Variants in SNTG2 observed in about 807,000 individuals in gnomAD.
SNTG2 encodes the protein gamma-2-syntrophin.
SNTG2 carries 74 observed loss-of-function variants against 70.9 expected under a neutral mutation model. That is an observed-to-expected ratio of 1.04 (90% CI 0.86 to 1.27). The LOEUF is 1.27. Among genes scored for constraint, SNTG2 ranks in the 50% most tolerant of loss-of-function variants. The probability of loss-of-function intolerance (pLI) is 0.00; values close to 1 mark genes in which losing one functional copy is unlikely to be tolerated. For synonymous variants in SNTG2, 278 were observed against 273.8 expected, an observed-to-expected ratio of 1.02 and a Z score of -0.15; for missense variants, 717 against 690.7, an observed-to-expected ratio of 1.04 and a Z score of -0.43.
At chr2:1,285,512 A>G (rs970622843) in intron 14 of SNTG2, among the ~76,000 whole-genome samples, 1 of 152,360 alleles carries the variant, frequency 6.6e-6, no homozygotes, top group Admixed American at 6.5e-5. Flanking sequence ...CCCAAATACT[A>G]TCACACAAAG....
intron 1 of SNTG2, among the ~76,000 whole-genome samples, chr2:953,131 G>C (rs756356454): frequency 6.6e-6 from 1 of 152,072 alleles, no homozygotes; most frequent in Non-Finnish European, 1.5e-5. Context: ...TCTCCTGTTC[G>C]GTAACAGACC....
At chr2:1,221,362 CCTCT>C (rs373352551) in intron 9 of SNTG2, among the ~76,000 whole-genome samples, 2 of 5,004 alleles carry the variant, frequency 4.0e-4, no homozygotes, top group Non-Finnish European at 5.5e-4. Flanking sequence ...TCTGTCTCTG[CCTCT>C]CTCTGTGTCT....
At position 1,367,515 on chromosome 2, in the gene SNTG2, G is replaced by C; in HGVS notation, c.*41G>C. ...AGTGCTGAAAAATTAAATTATTTTCGTAAGAAATGATTCTTTCCTGCAGAA... is the reference window on the plus strand; with the variant it reads ...AGTGCTGAAAAATTAAATTATTTTCCTAAGAAATGATTCTTTCCTGCAGAA... On this transcript the variant is annotated 3_prime_UTR_variant, in exon 17 of 17. Coordinates refer to ENST00000308624, the MANE Select transcript of SNTG2 (RefSeq NM_018968.4). 3 of 1,544,194 alleles carry C rather than the reference G, an allele frequency of 1.9e-6. No homozygotes were observed. The South Asian group carries it at 3.6e-5, about 19-fold the overall frequency.
intron 1 of SNTG2, among the ~76,000 whole-genome samples, chr2:991,312 A>G (rs1463256524): frequency 2.0e-5 from 3 of 151,768 alleles, no homozygotes; most frequent in African/African-American, 7.3e-5. Context: ...CCTCATTGTT[A>G]AAATAGTCAG....
chr2:1,228,949 T>A (rs1034218454), intron 9 of SNTG2, among the ~76,000 whole-genome samples: 4 of 152,044 alleles, frequency 2.6e-5, no homozygotes, highest in African/African-American at 9.7e-5. Context: ...GTGTTACAGC[T>A]CTTAAGGCGG....
chr2:1,257,266 A>C (rs1375650742), intron 12 of SNTG2, among the ~76,000 whole-genome samples: 1 of 152,184 alleles, frequency 6.6e-6, no homozygotes, highest in Non-Finnish European at 1.5e-5. Flanking sequence ...ATCGAGGCAC[A>C]TTCTCTTCCC....
At chr2:1,211,549 A>T (rs1370560619) in intron 9 of SNTG2, among the ~76,000 whole-genome samples, 2 of 152,202 alleles carry the variant, frequency 1.3e-5, no homozygotes, top group South Asian at 4.1e-4. Flanking sequence ...AAGAGGTTTA[A>T]TGGACTCACA....
chr2:1,087,635 A>G (rs1170471732), intron 2 of SNTG2, among the ~76,000 whole-genome samples: 1 of 152,262 alleles, frequency 6.6e-6, no homozygotes, highest in Non-Finnish European at 1.5e-5. Flanking sequence ...TAAGTAAATA[A>G]AAAGACATAT....
chr2:1,283,848 A>G (rs1679659532), intron 14 of SNTG2, among the ~76,000 whole-genome samples: 1 of 152,164 alleles, frequency 6.6e-6, no homozygotes, highest in Admixed American at 6.5e-5. Flanking sequence ...CTGGGGAATA[A>G]ACAGTTAAAG....
At chr2:1,083,715 T>A in intron 2 of SNTG2, 60 bp downstream of exon 2, 3 of 1,590,464 alleles carry the variant, frequency 1.9e-6, no homozygotes, top group Non-Finnish European at 2.6e-6. Context: ...ATGAACGGTC[T>A]TTGAAAAGTG....
chr2:1,033,053 GACTC>G (rs1221899541), intron 1 of SNTG2, among the ~76,000 whole-genome samples: 1 of 152,084 alleles, frequency 6.6e-6, no homozygotes, highest in Non-Finnish European at 1.5e-5. Flanking sequence ...ATCTTGAGAG[GACTC>G]ACTCACTATT....
chr2:1,300,208 T>A (rs1680395701), intron 14 of SNTG2, among the ~76,000 whole-genome samples: 1 of 152,182 alleles, frequency 6.6e-6, no homozygotes, highest in Non-Finnish European at 1.5e-5. Context: ...ACTGTTACCA[T>A]CACCGCTCTG....
intron 4 of SNTG2, among the ~76,000 whole-genome samples, chr2:1,126,551 GC>G (rs959940719): frequency 6.6e-6 from 1 of 152,080 alleles, no homozygotes; most frequent in Non-Finnish European, 1.5e-5. Flanking sequence ...TTTTGAGAAA[GC>G]CCATATTTTT....
At chr2:1,054,635 A>G (rs1289237717) in intron 1 of SNTG2, among the ~76,000 whole-genome samples, 1 of 152,188 alleles carries the variant, frequency 6.6e-6, no homozygotes, top group African/African-American at 2.4e-5. Context: ...GAGGTGACAC[A>G]TTCCTGAGAC....
At chr2:1,020,308 G>T (rs983141319) in intron 1 of SNTG2, among the ~76,000 whole-genome samples, 9 of 152,218 alleles carry the variant, frequency 5.9e-5, no homozygotes, top group Non-Finnish European at 1.0e-4. Context: ...TCTGGGCTTG[G>T]GCCCAGCTCC....
chr2:1,286,131 G>A (rs950437531), intron 14 of SNTG2, among the ~76,000 whole-genome samples: 1 of 152,118 alleles, frequency 6.6e-6, no homozygotes, highest in Non-Finnish European at 1.5e-5. Context: ...TTTCCTGGTG[G>A]CAGGGTTCCT....
At chr2:1,366,598 C>T (rs1227929897) in intron 16 of SNTG2, among the ~76,000 whole-genome samples, 1 of 152,128 alleles carries the variant, frequency 6.6e-6, no homozygotes, top group African/African-American at 2.4e-5. Context: ...GGAAACTCTC[C>T]CTGGGGCACC....
At chr2:1,147,531 C>A (rs1280462150) in intron 6 of SNTG2, among the ~76,000 whole-genome samples, 1 of 152,216 alleles carries the variant, frequency 6.6e-6, no homozygotes, top group Non-Finnish European at 1.5e-5. Flanking sequence ...CTCAGACTGG[C>A]TTCCTTGCTC....
chr2:1,116,031 G>C (rs1666944292), intron 4 of SNTG2, among the ~76,000 whole-genome samples: 1 of 152,180 alleles, frequency 6.6e-6, no homozygotes. Flanking sequence ...GTTTCCTTAT[G>C]ACCAACACAC....
Sources: gnomAD v4.1 joint callset for allele counts (sites outside exome capture counted in the v4.1 genomes callset) on GRCh38, gnomAD v4.1.1 for gene constraint, MANE v1.5 for transcripts, NCBI Gene and HGNC (gene_info 2026-07-23, HGNC 2026-07-21) for gene names.